FAT3: variants seen among roughly 807,000 people sequenced by gnomAD.
The protein encoded by FAT3 is protocadherin Fat 3.
FAT3 carries 95 observed loss-of-function variants against 310.2 expected under a neutral mutation model. That is an observed-to-expected ratio of 0.31 (90% confidence interval 0.26 to 0.36). The LOEUF is 0.36. Ranked by LOEUF, FAT3 falls within the 10% of genes least tolerant of loss-of-function variation. FAT3 has a pLI of 1.00. For missense variants in FAT3, 5,408 were observed against 5,715.6 expected (o/e 0.95, Z 1.74); for synonymous variants, 2,314 against 2,192.9 (o/e 1.06, Z -1.54).
Position 92,890,922 on chromosome 11 carries a change from C to A in FAT3, c.13579C>A (p.Pro4527Thr), listed in dbSNP as rs1340752983. Residue 4527 changes from proline (P) to threonine (T), a missense_variant, in exon 28 of 28, where the codon CCC (proline) becomes ACC (threonine). Physicochemically the swap from Pro to Thr is conservative, Grantham distance 38. This residue lies in a region of FAT3 where 649 missense variants were observed against 666.2 expected (regional missense o/e 0.97). Transcript: ENST00000525166. ...TGTGAGCATGAACCAGGGCACAGAG[C>A]CCACAGGCCCAGCAGACAGCGTGTC... The part of the protein sequence containing the change: ...FAVSMNQGTE[P>T]TGPADSVSLS... 3 of 1,614,018 alleles carry A rather than the reference C, an allele frequency of 1.9e-6. No homozygotes were observed. Among genetic ancestry groups the A allele is most frequent in the Non-Finnish European group, 2.5e-6 (3 of 1,179,894 alleles).
intron 3 of FAT3, among the ~76,000 whole-genome samples, chr11:92,685,103 G>A (rs951984653): frequency 6.6e-6 from 1 of 152,068 alleles, no homozygotes; most frequent in Non-Finnish European, 1.5e-5. Flanking sequence ...TTTTTAAAAT[G>A]TTTTTTGAGA....
At chr11:92,459,529 A>G (rs1951583410) in intron 2 of FAT3, among the ~76,000 whole-genome samples, 1 of 152,222 alleles carries the variant, frequency 6.6e-6, no homozygotes, top group Non-Finnish European at 1.5e-5. Context: ...GTCAGGTTCC[A>G]TTAAATAAAC....
chr11:92,691,220 A>G (rs752092706), intron 3 of FAT3, among the ~76,000 whole-genome samples: 9 of 152,176 alleles, frequency 5.9e-5, no homozygotes, highest in Non-Finnish European at 1.0e-4. Context: ...ACTGAGGCCT[A>G]GAGAAGGAAT....
At chr11:92,303,968 C>G (rs758795953) in intron 1 of FAT3, among the ~76,000 whole-genome samples, 1 of 152,026 alleles carries the variant, frequency 6.6e-6, no homozygotes, top group African/African-American at 2.4e-5. Context: ...AGTTGATGGC[C>G]CATGAGATTT....
chr11:92,595,176 G>A (rs1939641417), intron 3 of FAT3, among the ~76,000 whole-genome samples: 1 of 152,102 alleles, frequency 6.6e-6, no homozygotes, highest in South Asian at 2.1e-4. Flanking sequence ...ATTGATGTGA[G>A]CCTCTCAGCT....
chr11:92,442,616 T>G (rs895959022), intron 2 of FAT3, among the ~76,000 whole-genome samples: 1 of 152,162 alleles, frequency 6.6e-6, no homozygotes, highest in Non-Finnish European at 1.5e-5. Flanking sequence ...CCTTCAGAGC[T>G]GATGGCAAAG....
intron 7 of FAT3, among the ~76,000 whole-genome samples, chr11:92,783,852 A>G (rs1055336196): frequency 3.9e-5 from 6 of 152,218 alleles, no homozygotes; most frequent in South Asian, 2.1e-4. Flanking sequence ...GAGGAGATCA[A>G]TTTTTGAAAA....
intron 3 of FAT3, among the ~76,000 whole-genome samples, chr11:92,584,167 C>G (rs184307529): frequency 3.9e-5 from 6 of 152,058 alleles, no homozygotes; most frequent in Admixed American, 2.0e-4. Context: ...TAAATGACAG[C>G]TATTACTGTT....
intron 3 of FAT3, among the ~76,000 whole-genome samples, chr11:92,695,140 G>T (rs1043608294): frequency 6.6e-6 from 1 of 152,144 alleles, no homozygotes; most frequent in African/African-American, 2.4e-5. Flanking sequence ...TGCTAGAGCA[G>T]CTCAGTGTAT....
chr11:92,436,738 T>A (rs1245858055), intron 2 of FAT3, among the ~76,000 whole-genome samples: 1 of 152,162 alleles, frequency 6.6e-6, no homozygotes, highest in Non-Finnish European at 1.5e-5. Context: ...GGTCCATCTG[T>A]TCCATTTTGA....
At chr11:92,689,369 G>A (rs1943729929) in intron 3 of FAT3, among the ~76,000 whole-genome samples, 1 of 152,136 alleles carries the variant, frequency 6.6e-6, no homozygotes, top group Non-Finnish European at 1.5e-5. Context: ...AGGGGGAGAA[G>A]TGCGCCATAT....
intron 1 of FAT3, among the ~76,000 whole-genome samples, chr11:92,252,879 C>T (rs1462494642): frequency 1.3e-5 from 2 of 152,094 alleles, no homozygotes; most frequent in Admixed American, 6.5e-5. Flanking sequence ...TGAAGCCCCA[C>T]CAGCAAAACT....
intron 12 of FAT3, among the ~76,000 whole-genome samples, chr11:92,806,862 G>T: frequency 6.6e-6 from 1 of 152,130 alleles, no homozygotes; most frequent in East Asian, 1.9e-4. Flanking sequence ...TAGGGGAAAT[G>T]AATAATCTGG....
At chr11:92,654,123 G>T (rs1198891988) in intron 3 of FAT3, among the ~76,000 whole-genome samples, 1 of 152,126 alleles carries the variant, frequency 6.6e-6, no homozygotes, top group Non-Finnish European at 1.5e-5. Flanking sequence ...TAGCTATATT[G>T]TACCCCGCTG....
chr11:92,701,545 G>C (rs898668859), intron 4 of FAT3, among the ~76,000 whole-genome samples: 1 of 152,186 alleles, frequency 6.6e-6, no homozygotes, highest in Non-Finnish European at 1.5e-5. Flanking sequence ...TGCCTGGTTT[G>C]GAAGTCTGTT....
In FAT3 at chr11:92,618,119, G is replaced by A. The variant is rs990599958; in HGVS notation, c.3608-79265G>A. Among the ~76,000 whole-genome samples, 10 of 152,152 alleles carry A rather than the reference G, an allele frequency of 6.6e-5. No individual in the cohort carries two copies. The East Asian group carries it at 1.5e-3, about 24-fold the overall frequency. ...AAGCAGGCAGGCCTCCATGAGCTGCGGTGGGCTCCACCCAGTTCGAGCTTC... is the reference window on the plus strand; with the variant it reads ...AAGCAGGCAGGCCTCCATGAGCTGCAGTGGGCTCCACCCAGTTCGAGCTTC... On this transcript the variant is annotated intron_variant, in intron 3 of 27. Coordinates refer to ENST00000525166, the MANE Select transcript of FAT3 (RefSeq NM_001367949.2).
At chr11:92,739,731 G>T (rs1184557208) in intron 4 of FAT3, among the ~76,000 whole-genome samples, 1 of 152,152 alleles carries the variant, frequency 6.6e-6, no homozygotes, top group Admixed American at 6.5e-5. Flanking sequence ...TGTGCACTGT[G>T]GTGTTAAACT....
chr11:92,566,117 G>T lies in FAT3; in HGVS notation c.3607+41169G>T, dbSNP rs1174207128. On this transcript the variant is annotated intron_variant, in intron 3 of 27. Coordinates refer to ENST00000525166, the MANE Select transcript of FAT3 (RefSeq NM_001367949.2). ...AATTGTCCCTGTTTGCAGATGACAT[G>T]ATTGTGTATCTAGAAAACCCCATTG... is the stretch of plus-strand genomic sequence containing the variant. 2.6e-5 allele frequency among the ~76,000 whole-genome samples: 4 copies of T among 152,202 alleles called. No individual in the cohort carries two copies. In the South Asian group the frequency reaches 6.2e-4, roughly 24 times the overall value.
chr11:92,737,521 G>A (rs1020802765), intron 4 of FAT3, among the ~76,000 whole-genome samples: 10 of 150,084 alleles, frequency 6.7e-5, no homozygotes, highest in East Asian at 1.9e-4. Context: ...CACTGTGTAC[G>A]TGTGTGTGTG....
Sources: allele counts gnomAD v4.1 joint callset (sites outside exome capture counted in the v4.1 genomes callset), GRCh38; gene constraint gnomAD v4.1.1; regional missense constraint gnomAD v4.1.1; transcripts MANE v1.5; gene names NCBI Gene and HGNC (gene_info 2026-07-23, HGNC 2026-07-21).